Variants in GABRR1 observed in about 807,000 individuals in gnomAD.
GABRR1 encodes the protein gamma-aminobutyric acid receptor subunit rho-1.
In GABRR1, 59 loss-of-function variants were observed where a neutral mutation model predicts 55.5. The ratio of observed to expected loss-of-function variants is 1.06; its 90% CI spans 0.86 to 1.32. GABRR1 has a LOEUF of 1.32. Among genes scored for constraint, GABRR1 ranks in the 40% most tolerant of loss-of-function variants. The pLI, the probability that GABRR1 is intolerant of heterozygous loss-of-function variation, is 0.00. For synonymous variants in GABRR1, 213 were observed against 226.0 expected, an observed-to-expected ratio of 0.94 and a Z score of 0.51; for missense variants, 602 against 619.1, an observed-to-expected ratio of 0.97 and a Z score of 0.29.
At chr6:89,196,876 A>AG (rs1554190904) in intron 5 of GABRR1, among the ~76,000 whole-genome samples, 2 of 101,874 alleles carry the variant, frequency 2.0e-5, no homozygotes, top group South Asian at 3.4e-4. Context: ...AGAAAGAAAG[A>AG]AAGAGAAGAG....
At chr6:89,193,258 A>C (rs1044198703) in intron 5 of GABRR1, among the ~76,000 whole-genome samples, 7 of 152,230 alleles carry the variant, frequency 4.6e-5, no homozygotes, top group African/African-American at 9.7e-5. Flanking sequence ...GAATCTGTTG[A>C]AGTAATCAAT....
chr6:89,178,531 A>G lies in GABRR1; in HGVS notation c.*239T>C. 2 of 523,928 alleles carry G rather than the reference A, an allele frequency of 3.8e-6. No homozygotes were observed. Among genetic ancestry groups the G allele is most frequent in the South Asian group, 2.2e-5 (1 of 46,282 alleles). 32.5% of individuals were successfully genotyped at this position (523,928 alleles called of 1,614,324 possible). Reference sequence around the variant, plus strand: ...GGTAACAACTAACATCAGTCGCTACAGTGTCGTATTTCCTGCAGCACCTAA... The same window carrying G: ...GGTAACAACTAACATCAGTCGCTACGGTGTCGTATTTCCTGCAGCACCTAA... On this transcript the variant is annotated 3_prime_UTR_variant, in exon 10 of 10. Transcript: ENST00000454853.
chr6:89,201,476 G>A (rs375226338), intron 2 of GABRR1, among the ~76,000 whole-genome samples: 27 of 152,180 alleles, frequency 1.8e-4, no homozygotes, highest in African/African-American at 6.0e-4. Context: ...TGACTGTGGA[G>A]CTTTAAAAAT....
intron 6 of GABRR1, 32 bp downstream of exon 6, chr6:89,190,133 G>A: frequency 6.7e-7 from 1 of 1,485,302 alleles, no homozygotes; most frequent in South Asian, 1.2e-5. Flanking sequence ...ATCAGGAGCT[G>A]TGTGCTGATG....
chr6:89,182,454 G>A (rs1434623912), intron 7 of GABRR1, among the ~76,000 whole-genome samples: 1 of 152,028 alleles, frequency 6.6e-6, no homozygotes, highest in African/African-American at 2.4e-5. Flanking sequence ...ACACCCAGCT[G>A]ATGTTTAAAT....
intron 1 of GABRR1, among the ~76,000 whole-genome samples, chr6:89,222,849 T>G (rs1773133066): frequency 6.6e-6 from 1 of 152,182 alleles, no homozygotes; most frequent in African/African-American, 2.4e-5. Context: ...CAGTCTAAGT[T>G]TTGTGGTCTG....
chr6:89,190,463 C>T (rs1476437318), intron 5 of GABRR1, among the ~76,000 whole-genome samples: 1 of 152,122 alleles, frequency 6.6e-6, no homozygotes, highest in Non-Finnish European at 1.5e-5. Flanking sequence ...CAGTGTGAGG[C>T]AAATGGAATG....
At chr6:89,193,392 C>T (rs889537476) in intron 5 of GABRR1, among the ~76,000 whole-genome samples, 2 of 151,342 alleles carry the variant, frequency 1.3e-5, no homozygotes, top group South Asian at 4.2e-4. Context: ...TTAGATCTCT[C>T]TTTTTTTTTC....
chr6:89,196,062 T>C (rs1772263562), intron 5 of GABRR1, among the ~76,000 whole-genome samples: 1 of 152,262 alleles, frequency 6.6e-6, no homozygotes, highest in South Asian at 2.1e-4. Flanking sequence ...GCAAAGAAGT[T>C]GCTTATGTCT....
chr6:89,215,251 T>C (rs1008822917), intron 1 of GABRR1, among the ~76,000 whole-genome samples: 6 of 152,214 alleles, frequency 3.9e-5, no homozygotes, highest in Admixed American at 1.3e-4. Flanking sequence ...CTCATTTTCA[T>C]TGCAGCATTA....
chr6:89,214,411 A>G (rs1325391168), intron 1 of GABRR1, among the ~76,000 whole-genome samples: 1 of 151,754 alleles, frequency 6.6e-6, no homozygotes, highest in Non-Finnish European at 1.5e-5. Context: ...GATTACATCA[A>G]ACTAAAAAGC....
intron 1 of GABRR1, 46 bp from the exon 2 acceptor site, chr6:89,203,531 T>G (rs776445043): frequency 7.1e-7 from 1 of 1,414,868 alleles, no homozygotes; most frequent in Non-Finnish European, 1.0e-6. Context: ...AAAGTCTAGG[T>G]ACTCAGATCA....
At position 89,205,901 on chromosome 6, in the gene GABRR1, C is replaced by G. The variant is rs370890784; in HGVS notation, c.123-2416G>C. ...CCTTGGCACCTCCACCCCCCGCCCCCCCATCTCTCACATCCTCTTCCAGGG... is the reference window on the plus strand; with the variant it reads ...CCTTGGCACCTCCACCCCCCGCCCCGCCATCTCTCACATCCTCTTCCAGGG... On this transcript the variant is annotated intron_variant, in intron 1 of 9. Transcript: ENST00000454853. Among the ~76,000 whole-genome samples, 101 of 151,902 alleles carry G rather than the reference C, an allele frequency of 6.6e-4. 2 individuals carry two copies. The highest frequency in any genetic ancestry group is 2.3e-3 in the African/African-American group (95 of 41,378).
chr6:89,201,114 G>A (rs776047589), intron 3 of GABRR1, 45 bp downstream of exon 3: 1 of 1,424,940 alleles, frequency 7.0e-7, no homozygotes. Context: ...CCCACAGACA[G>A]AGGACCAGAA....
chr6:89,195,558 A>G (rs1248702640), intron 5 of GABRR1, among the ~76,000 whole-genome samples: 1 of 152,238 alleles, frequency 6.6e-6, no homozygotes, highest in Non-Finnish European at 1.5e-5. Flanking sequence ...AAAGTGCTCA[A>G]AGAAAAAAAC....
Position 89,190,163 on chromosome 6 carries a change from A to C in GABRR1, c.655+2T>G. ...CTGATGCCCGGGGACAAGTCTACTCACAGCTTTCAATTTCAAGAGAGCACG... is the reference window on the plus strand; with the variant it reads ...CTGATGCCCGGGGACAAGTCTACTCCCAGCTTTCAATTTCAAGAGAGCACG... On this transcript the variant is annotated splice_donor_variant, in intron 6 of 9. Transcript: ENST00000454853. LOFTEE classifies it high-confidence loss of function. 1 of 1,607,296 alleles carries C rather than the reference A, an allele frequency of 6.2e-7. No individual in the cohort carries two copies. Among genetic ancestry groups the C allele is most frequent in the Non-Finnish European group, 8.5e-7 (1 of 1,176,126 alleles).
At position 89,177,506 on chromosome 6, in the gene GABRR1, G is replaced by C. The variant is rs1421326207; in HGVS notation, c.*1264C>G. The C allele has an allele frequency of 3.3e-5, 5 of 152,120 alleles. No homozygotes were observed. Among genetic ancestry groups the C allele is most frequent in the Non-Finnish European group, 5.9e-5 (4 of 68,028 alleles). 9.4% of individuals were successfully genotyped at this position (152,120 alleles called of 1,614,324 possible). On this transcript the variant is annotated 3_prime_UTR_variant, in exon 10 of 10. Transcript: ENST00000454853. ...ACTTTGAAATGAAAATGACATTATT[G>C]TGTATATAATTCACTTTATTAAAGT...
intron 5 of GABRR1, among the ~76,000 whole-genome samples, chr6:89,196,374 C>G (rs978511127): frequency 6.6e-6 from 1 of 152,128 alleles, no homozygotes; most frequent in African/African-American, 2.4e-5. Context: ...TACTAGCATA[C>G]CAATGGTCAC....
At chr6:89,208,328 T>C (rs1772715964) in intron 1 of GABRR1, among the ~76,000 whole-genome samples, 1 of 152,250 alleles carries the variant, frequency 6.6e-6, no homozygotes, top group Non-Finnish European at 1.5e-5. Context: ...TATTAAATAG[T>C]TCATTTCCTT....
Sources: gnomAD v4.1 joint callset for allele counts (sites outside exome capture counted in the v4.1 genomes callset) on GRCh38, gnomAD v4.1.1 for gene constraint, MANE v1.5 for transcripts, NCBI Gene and HGNC (gene_info 2026-07-23, HGNC 2026-07-21) for gene names.